Variants in EBF1 observed in about 807,000 individuals in gnomAD.
The protein encoded by EBF1 is transcription factor COE1.
In EBF1, 10 loss-of-function variants were observed where a neutral mutation model predicts 68.4. The observed-to-expected ratio is 0.15, with a 90% CI of 0.09 to 0.25. The LOEUF (loss-of-function observed/expected upper bound fraction) is 0.25, where lower values mean the gene tolerates loss of function less well. Ranked by LOEUF, EBF1 falls within the 10% of genes least tolerant of loss-of-function variation. The pLI is 1.00. For missense variants in EBF1, 509 were observed against 794.4 expected, an observed-to-expected ratio of 0.64 and a Z score of 4.32; for synonymous variants, 298 against 299.8, an observed-to-expected ratio of 0.99 and a Z score of 0.06.
chr5:158,733,522 C>A (rs1764545130), intron 10 of EBF1, among the ~76,000 whole-genome samples: 1 of 152,028 alleles, frequency 6.6e-6, no homozygotes, highest in African/African-American at 2.4e-5. Flanking sequence ...AGAACCAATT[C>A]AAATATCATA....
chr5:158,942,050 A>G (rs922979425), intron 6 of EBF1, among the ~76,000 whole-genome samples: 4 of 152,250 alleles, frequency 2.6e-5, no homozygotes, highest in African/African-American at 7.2e-5. Context: ...TCTTTTCACT[A>G]CAAACACTGA....
intron 6 of EBF1, among the ~76,000 whole-genome samples, chr5:158,883,844 G>A (rs755503549): frequency 9.9e-5 from 15 of 152,090 alleles, no homozygotes; most frequent in South Asian, 8.3e-4. Flanking sequence ...ATAAAAAAGC[G>A]GTCCTTGCCC....
chr5:158,853,613 T>C (rs1291438922), intron 6 of EBF1, among the ~76,000 whole-genome samples: 1 of 151,812 alleles, frequency 6.6e-6, no homozygotes, highest in African/African-American at 2.4e-5. Flanking sequence ...CCAAGAAAGA[T>C]AAGGAGAAGT....
chr5:158,963,934 C>T (rs943416269), intron 6 of EBF1, among the ~76,000 whole-genome samples: 3 of 152,100 alleles, frequency 2.0e-5, no homozygotes, highest in African/African-American at 4.8e-5. Flanking sequence ...TCAAGGAGCT[C>T]GCTGCTGGGG....
chr5:158,799,299 G>A (rs1158408362), intron 8 of EBF1, among the ~76,000 whole-genome samples: 1 of 152,134 alleles, frequency 6.6e-6, no homozygotes, highest in Non-Finnish European at 1.5e-5. Flanking sequence ...GTGCAAGCCT[G>A]TCATACTAGC....
chr5:158,943,023 GA>G (rs1813805190), intron 6 of EBF1, among the ~76,000 whole-genome samples: 2 of 130,094 alleles, frequency 1.5e-5, no homozygotes, highest in Admixed American at 1.6e-4. Context: ...GGAAGGGAGG[GA>G]GGGGGGAAGG....
At chr5:158,936,052 C>T (rs569926488) in intron 6 of EBF1, among the ~76,000 whole-genome samples, 2 of 148,114 alleles carry the variant, frequency 1.4e-5, no homozygotes. Context: ...GTTTTCCATC[C>T]TCTTTCCAAA....
Position 158,840,210 on chromosome 5 carries a change from C to T in EBF1, c.555-100G>A, listed in dbSNP as rs575689541. On this transcript the variant is annotated intron_variant, in intron 6 of 15. Transcript: ENST00000313708. ...TGGGTTGTGCATTCGATTCTCTTTACATGTTTTCTGAAATATTCAGCATGG... is the reference window on the plus strand; with the variant it reads ...TGGGTTGTGCATTCGATTCTCTTTATATGTTTTCTGAAATATTCAGCATGG... 3 of 850,274 alleles carry T rather than the reference C, an allele frequency of 3.5e-6. No homozygotes were observed. The East Asian group carries it at 7.6e-5, about 22-fold the overall frequency. 52.7% of individuals were successfully genotyped at this position (850,274 alleles called of 1,614,324 possible).
chr5:158,742,152 G>C (rs565777323), intron 10 of EBF1, among the ~76,000 whole-genome samples: 1 of 152,292 alleles, frequency 6.6e-6, no homozygotes, highest in South Asian at 2.1e-4. Flanking sequence ...TGGCTTCCAG[G>C]ACTTTTGTGA....
Position 158,915,049 on chromosome 5 carries a change from C to T in EBF1, c.555-74939G>A, listed in dbSNP as rs1200099931. ...ATTTGATTAACAGGATGATGGGACACTTATCAAGTTCACTGGACTGCTAGG... is the reference window on the plus strand; with the variant it reads ...ATTTGATTAACAGGATGATGGGACATTTATCAAGTTCACTGGACTGCTAGG... On this transcript the variant is annotated intron_variant, in intron 6 of 15. Transcript: ENST00000313708. 3.9e-5 allele frequency among the ~76,000 whole-genome samples: 6 copies of T among 152,106 alleles called. No homozygotes were observed. In the East Asian group the frequency reaches 9.6e-4, roughly 24 times the overall value.
intron 6 of EBF1, among the ~76,000 whole-genome samples, chr5:158,896,391 A>G (rs1420404855): frequency 6.6e-6 from 1 of 152,208 alleles, no homozygotes; most frequent in Non-Finnish European, 1.5e-5. Context: ...TTTCTGAAAG[A>G]TTAAACACTC....
intron 6 of EBF1, among the ~76,000 whole-genome samples, chr5:159,053,627 A>T (rs1774224261): frequency 6.7e-6 from 1 of 149,682 alleles, no homozygotes; most frequent in African/African-American, 2.5e-5. Context: ...ACACACACAC[A>T]CACACACACA....
chr5:158,847,126 G>T (rs1449414535), intron 6 of EBF1, among the ~76,000 whole-genome samples: 1 of 152,122 alleles, frequency 6.6e-6, no homozygotes, highest in East Asian at 1.9e-4. Flanking sequence ...TCTGGAAAGT[G>T]TTCTCAGCCT....
intron 11 of EBF1, among the ~76,000 whole-genome samples, chr5:158,714,588 G>GTCATTT (rs1319994597): frequency 1.3e-5 from 2 of 152,090 alleles, no homozygotes; most frequent in Non-Finnish European, 2.9e-5. Context: ...TATCAGACAG[G>GTCATTT]TCATTTTCGA....
chr5:158,781,779 T>C (rs1224365268), intron 9 of EBF1, among the ~76,000 whole-genome samples: 1 of 152,192 alleles, frequency 6.6e-6, no homozygotes, highest in African/African-American at 2.4e-5. Context: ...CTGTCACTGT[T>C]TCTTACACTA....
chr5:158,725,843 T>C (rs138203463), intron 11 of EBF1, among the ~76,000 whole-genome samples: 369 of 152,344 alleles, frequency 2.4e-3, no homozygotes, highest in African/African-American at 8.5e-3. Context: ...TTCACGTTTC[T>C]TAATCCGTTC....
intron 8 of EBF1, among the ~76,000 whole-genome samples, chr5:158,812,477 A>T (rs1019038906): frequency 6.6e-6 from 1 of 152,130 alleles, no homozygotes; most frequent in Non-Finnish European, 1.5e-5. Context: ...GGCTCTAATC[A>T]TGCAAGGACC....
chr5:158,736,675 G>A (rs908154170), intron 10 of EBF1, among the ~76,000 whole-genome samples: 3 of 152,204 alleles, frequency 2.0e-5, no homozygotes, highest in Non-Finnish European at 4.4e-5. Flanking sequence ...AGGAGTAACA[G>A]CAGAGCATTT....
intron 9 of EBF1, among the ~76,000 whole-genome samples, chr5:158,789,686 C>G (rs1439562882): frequency 6.6e-6 from 1 of 152,120 alleles, no homozygotes; most frequent in Non-Finnish European, 1.5e-5. Context: ...AAATAAGAAA[C>G]TATACTTGAC....
Sources: allele counts gnomAD v4.1 joint callset (sites outside exome capture counted in the v4.1 genomes callset), GRCh38; gene constraint gnomAD v4.1.1; transcripts MANE v1.5; gene names NCBI Gene and HGNC (gene_info 2026-07-23, HGNC 2026-07-21).